HPSE2: variants seen among roughly 807,000 people sequenced by gnomAD.
The protein encoded by HPSE2 is inactive heparanase-2.
Under a neutral mutation model 60.5 loss-of-function variants are expected in HPSE2, and 38 were observed. The observed-to-expected ratio is 0.63, with a 90% CI of 0.48 to 0.82. The LOEUF is 0.82. Among genes scored for constraint, HPSE2 ranks in the 40% least tolerant of loss-of-function variants. HPSE2 has a pLI of 0.00. For synonymous variants in HPSE2, 295 were observed against 293.2 expected (o/e 1.01, Z -0.06); for missense variants, 713 against 740.4 (o/e 0.96, Z 0.43).
At chr10:99,195,073 C>T (rs1009246938) in intron 2 of HPSE2, among the ~76,000 whole-genome samples, 2 of 151,880 alleles carry the variant, frequency 1.3e-5, no homozygotes, top group African/African-American at 2.4e-5. Flanking sequence ...AAGGATGGCT[C>T]GACATAGGCA....
intron 7 of HPSE2, among the ~76,000 whole-genome samples, chr10:98,621,023 A>C (rs1946060034): frequency 6.6e-6 from 1 of 152,106 alleles, no homozygotes; most frequent in Non-Finnish European, 1.5e-5. Flanking sequence ...AATATAAATC[A>C]TATTGTGTTT....
chr10:98,597,553 C>T (rs557469399), intron 9 of HPSE2, among the ~76,000 whole-genome samples: 1 of 151,924 alleles, frequency 6.6e-6, no homozygotes, highest in Admixed American at 6.6e-5. Flanking sequence ...TGCCTGTAGT[C>T]CCAGCTACTT....
chr10:98,526,044 T>C (rs1228064921), intron 9 of HPSE2, among the ~76,000 whole-genome samples: 2 of 152,208 alleles, frequency 1.3e-5, no homozygotes, highest in Non-Finnish European at 2.9e-5. Flanking sequence ...AGAACAGGGA[T>C]ATGACAACTG....
upstream of HPSE2, among the ~76,000 whole-genome samples, chr10:99,238,041 C>T (rs1375219766): frequency 2.6e-5 from 4 of 152,258 alleles, no homozygotes; most frequent in East Asian, 7.7e-4. Context: ...AATTTGTTTT[C>T]CCAGTTATTA....
chr10:98,794,482 T>A (rs1473846357), intron 3 of HPSE2, among the ~76,000 whole-genome samples: 1 of 152,166 alleles, frequency 6.6e-6, no homozygotes, highest in Non-Finnish European at 1.5e-5. Context: ...TGGCCTCAAG[T>A]GACCCACCTG....
At position 98,513,833 on chromosome 10, in the gene HPSE2, G is replaced by A. The variant is rs559037876; in HGVS notation, c.1321-23637C>T. Among the ~76,000 whole-genome samples, 3 of 152,248 alleles carry A rather than the reference G, an allele frequency of 2.0e-5. No homozygotes were observed. In the East Asian group the frequency reaches 5.8e-4, roughly 29 times the overall value. ...AATTGTCAAATGGTACAGCCACTAGGTAAAAGTTTGGTGGTTCCTCAATAA... is the reference window on the plus strand; with the variant it reads ...AATTGTCAAATGGTACAGCCACTAGATAAAAGTTTGGTGGTTCCTCAATAA... On this transcript the variant is annotated intron_variant, in intron 9 of 11. Transcript: ENST00000370552.
chr10:99,165,370 G>T (rs1358728028), intron 2 of HPSE2, among the ~76,000 whole-genome samples: 1 of 151,970 alleles, frequency 6.6e-6, no homozygotes, highest in Non-Finnish European at 1.5e-5. Flanking sequence ...GTATGATTGT[G>T]CCATTCATCA....
intron 2 of HPSE2, among the ~76,000 whole-genome samples, chr10:99,180,141 C>T (rs1376857974): frequency 6.6e-6 from 1 of 152,104 alleles, no homozygotes; most frequent in East Asian, 1.9e-4. Flanking sequence ...AATGTAAGAC[C>T]TAAAATCATA....
chr10:98,917,045 G>A (rs1564654250), intron 3 of HPSE2, among the ~76,000 whole-genome samples: 1 of 152,096 alleles, frequency 6.6e-6, no homozygotes, highest in Non-Finnish European at 1.5e-5. Context: ...ATGGGGACTT[G>A]GCAACTATTA....
At chr10:99,057,835 CT>C (rs1958148607) in intron 3 of HPSE2, among the ~76,000 whole-genome samples, 1 of 152,214 alleles carries the variant, frequency 6.6e-6, no homozygotes, top group African/African-American at 2.4e-5. Context: ...TTTCCCGCCC[CT>C]CTTCCTGTTT....
rs1014036979 is a variant in HPSE2 at position 98,743,842 on chromosome 10, C to A, written c.784+41G>T. 41 of 1,570,162 alleles carry A rather than the reference C, an allele frequency of 2.6e-5. No homozygotes were observed. In the African/African-American group the frequency reaches 5.0e-4, roughly 19 times the overall value. ...TATCACAAGCCAACTTATTTTTCCC[C>A]TTTATTTTGTCAATTCAGAGGAAGT... On this transcript the variant is annotated intron_variant, in intron 4 of 11. Transcript: ENST00000370552.
At chr10:99,133,277 G>T (rs1201185967) in intron 3 of HPSE2, among the ~76,000 whole-genome samples, 1 of 152,190 alleles carries the variant, frequency 6.6e-6, no homozygotes, top group African/African-American at 2.4e-5. Context: ...CCCTGGGACA[G>T]AGCACCTGGG....
At chr10:98,926,555 C>A (rs1339778399) in intron 3 of HPSE2, among the ~76,000 whole-genome samples, 1 of 152,174 alleles carries the variant, frequency 6.6e-6, no homozygotes, top group Non-Finnish European at 1.5e-5. Flanking sequence ...CTTAAACTGT[C>A]ACCAACCTGT....
intron 3 of HPSE2, among the ~76,000 whole-genome samples, chr10:98,801,827 A>G (rs925627481): frequency 1.2e-4 from 18 of 152,184 alleles, no homozygotes; most frequent in Non-Finnish European, 2.2e-4. Flanking sequence ...TTCTTCCTAG[A>G]AATAGAAAAA....
intron 3 of HPSE2, among the ~76,000 whole-genome samples, chr10:99,025,427 T>C (rs1316311469): frequency 6.6e-6 from 1 of 151,996 alleles, no homozygotes; most frequent in Admixed American, 6.6e-5. Context: ...TTATTCACAA[T>C]AGCAAGGACA....
intron 9 of HPSE2, among the ~76,000 whole-genome samples, chr10:98,585,406 G>T (rs1197805599): frequency 2.0e-5 from 3 of 151,526 alleles, no homozygotes; most frequent in Admixed American, 2.0e-4. Context: ...CAAGTAGCTG[G>T]GATTACAGGT....
intron 2 of HPSE2, among the ~76,000 whole-genome samples, chr10:99,186,167 A>T (rs1165439608): frequency 9.2e-6 from 1 of 108,422 alleles, no homozygotes; most frequent in African/African-American, 2.7e-5. Flanking sequence ...GCATATCATA[A>T]TTAAACTGCT....
chr10:99,252,039 AC>A, the HPSE2 span, among the ~76,000 whole-genome samples: 18 of 151,958 alleles, frequency 1.2e-4, no homozygotes, highest in African/African-American at 4.4e-4. Context: ...GTCTTGAAAC[AC>A]ATACATACAT....
At chr10:99,255,563 TACACACAC>T in the HPSE2 span, among the ~76,000 whole-genome samples, 48,928 of 147,338 alleles carry the variant, frequency 0.33, 10,637 homozygotes, top group African/African-American at 0.64. Flanking sequence ...CATGCACACA[TACACACAC>T]ACACACACAC....
Sources: gnomAD v4.1 joint callset for allele counts (sites outside exome capture counted in the v4.1 genomes callset) on GRCh38, gnomAD v4.1.1 for gene constraint, MANE v1.5 for transcripts, NCBI Gene and HGNC (gene_info 2026-07-23, HGNC 2026-07-21) for gene names.